Variants in CEP57 observed in about 807,000 individuals in gnomAD.
The protein encoded by CEP57 is centrosomal protein 57, also known as centrosomal protein of 57 kDa.
CEP57 carries 40 observed loss-of-function variants against 68.0 expected under a neutral mutation model. That is an observed-to-expected ratio of 0.59 (90% CI 0.46 to 0.77). The LOEUF (loss-of-function observed/expected upper bound fraction) is 0.77, where lower values mean the gene tolerates loss of function less well. Ranked by LOEUF, CEP57 falls within the 30% of genes least tolerant of loss-of-function variation. The probability of loss-of-function intolerance (pLI) is 0.00; values close to 1 mark genes in which losing one functional copy is unlikely to be tolerated. For synonymous variants in CEP57, 219 were observed against 198.7 expected, an observed-to-expected ratio of 1.10 and a Z score of -0.86; for missense variants, 606 against 580.7, an observed-to-expected ratio of 1.04 and a Z score of -0.45.
Position 95,831,029 on chromosome 11 carries a change from G to T in CEP57, c.1276G>T (p.Glu426Ter). The T allele has an allele frequency of 6.2e-7, 1 of 1,608,262 alleles. No homozygotes were observed. The highest frequency in any genetic ancestry group is 1.1e-5 in the South Asian group (1 of 90,772). ...TKVRKYQAQL[E>*]KQKLEKQKKE... ...CTGCCTTGGTTATTTGGTATAGCTG[G>T]AGAAACAGAAGTTAGAGAAGCAGAA... Residue 426 changes from glutamate to a stop codon, truncating the protein, a stop_gained, in exon 11 of 11, where the codon GAG becomes TAG. Transcript: ENST00000325542. LOFTEE classifies it high-confidence loss of function.
intron 10 of CEP57, among the ~76,000 whole-genome samples, chr11:95,829,704 C>T (rs534497): frequency 2.0e-5 from 3 of 151,936 alleles, no homozygotes; most frequent in Admixed American, 2.0e-4. Context: ...ATTTATGTTG[C>T]TAATCATTTT....
At chr11:95,810,199 C>T (rs1861993807) in intron 2 of CEP57, among the ~76,000 whole-genome samples, 1 of 152,154 alleles carries the variant, frequency 6.6e-6, no homozygotes, top group Non-Finnish European at 1.5e-5. Context: ...TGGGACGTAT[C>T]TCAAAACAAT....
intron 4 of CEP57, among the ~76,000 whole-genome samples, chr11:95,816,137 G>T (rs1862287784): frequency 6.6e-6 from 1 of 152,118 alleles, no homozygotes; most frequent in African/African-American, 2.4e-5. Context: ...CTGTTGGGGG[G>T]ACTTCTGGAA....
intron 2 of CEP57, among the ~76,000 whole-genome samples, chr11:95,812,019 G>A (rs936123992): frequency 1.5e-4 from 23 of 152,022 alleles, no homozygotes; most frequent in Non-Finnish European, 1.9e-4. Context: ...CATTATCTTT[G>A]GGTAATAGGA....
rs1401499116 is a variant in CEP57, at chr11:95,831,495, G to A, written c.*239G>A. The stretch of plus-strand genomic sequence containing the variant: ...GAAACCACACATAATCTTTTGTTGA[G>A]ATGAGTTTGCTGTACTGACGCTGCA... On this transcript the variant is annotated 3_prime_UTR_variant, in exon 11 of 11. Transcript: ENST00000325542. 1 of 404,844 alleles carries A rather than the reference G, an allele frequency of 2.5e-6. No homozygotes were observed. Among genetic ancestry groups the A allele is most frequent in the African/African-American group, 2.0e-5 (1 of 49,114 alleles). 25.1% of individuals were successfully genotyped at this position (404,844 alleles called of 1,614,324 possible). A position where few individuals can be genotyped will look rare whatever the true frequency, so the allele number is the denominator to read the frequency against.
At chr11:95,817,065 ACTT>A (rs1304902614) in intron 4 of CEP57, among the ~76,000 whole-genome samples, 1 of 151,784 alleles carries the variant, frequency 6.6e-6, no homozygotes, top group Non-Finnish European at 1.5e-5. Context: ...TTGACTCTAA[ACTT>A]CAAAAAAAAA....
intron 8 of CEP57, chr11:95,827,003 A>G (rs1177241095): frequency 2.0e-5 from 3 of 152,234 alleles, no homozygotes; most frequent in Non-Finnish European, 2.9e-5. Context: ...TTGAAAACAC[A>G]AATTTCCAAA....
At position 95,821,976 on chromosome 11, in the gene CEP57, A is replaced by G. The variant is rs979007914; in HGVS notation, c.805A>G (p.Lys269Glu). The G allele has an allele frequency of 8.1e-6, 13 of 1,608,230 alleles. No homozygotes were observed. Among genetic ancestry groups the G allele is most frequent in the African/African-American group, 2.7e-5 (2 of 74,798 alleles). Residue 269 changes from lysine (K) to glutamate (E), a missense_variant and splice_region_variant, in exon 7 of 11, where the codon AAG becomes GAG. Lys to Glu is a moderately conservative substitution (Grantham distance 56). Transcript: ENST00000325542. ...IKKKKSKPPE[K>E]KSSRNYFGAQ... is the part of the protein sequence containing the mutation. ...AAAAAAGAAGTCAAAACCACCAGAAAAGGTGTGAAGACAGAACCAAATCAG... is the reference window on the plus strand; with the variant it reads ...AAAAAAGAAGTCAAAACCACCAGAAGAGGTGTGAAGACAGAACCAAATCAG...
intron 10 of CEP57, among the ~76,000 whole-genome samples, chr11:95,830,824 T>C (rs544653199): frequency 9.2e-5 from 14 of 151,418 alleles, no homozygotes; most frequent in Non-Finnish European, 1.9e-4. Context: ...TATATAAGCA[T>C]ATATTTATTT....
At chr11:95,791,066 C>T (rs1008473669) in intron 1 of CEP57, among the ~76,000 whole-genome samples, 4 of 152,200 alleles carry the variant, frequency 2.6e-5, no homozygotes, top group Non-Finnish European at 5.9e-5. Context: ...AAAAATGTAG[C>T]TCTTTTGGTC....
chr11:95,798,000 T>C (rs1358924287), intron 1 of CEP57, among the ~76,000 whole-genome samples: 1 of 152,210 alleles, frequency 6.6e-6, no homozygotes, highest in Non-Finnish European at 1.5e-5. Flanking sequence ...TTATAAAGAA[T>C]TGAAAACTCA....
rs754694620 is a variant in CEP57 at position 95,829,177 on chromosome 11, T to C, written c.1128-10T>C. On this transcript the variant is annotated splice_polypyrimidine_tract_variant and intron_variant, in intron 9 of 10. Coordinates refer to ENST00000325542, the MANE Select transcript of CEP57 (RefSeq NM_014679.5). ...AACTTAACCATGTTCTACTTCTGCT[T>C]TGTATATAGTGATCACCAGCAGCTT... 9 of 1,613,534 alleles carry C rather than the reference T, an allele frequency of 5.6e-6. No individual in the cohort carries two copies. The highest frequency in any genetic ancestry group is 6.8e-6 in the Non-Finnish European group (8 of 1,179,902).
chr11:95,831,490 G>T lies in CEP57; in HGVS notation c.*234G>T. 3 of 410,320 alleles carry T rather than the reference G, an allele frequency of 7.3e-6. No individual in the cohort carries two copies. In the South Asian group the frequency reaches 9.6e-5, roughly 13 times the overall value. The allele number at this position is 410,320 out of a possible 1,614,324, so 25.4% of individuals were successfully genotyped here. A position where few individuals can be genotyped will look rare whatever the true frequency, so the allele number is the denominator to read the frequency against. Reference sequence around the variant, plus strand: ...CCCGAGAAACCACACATAATCTTTTGTTGAGATGAGTTTGCTGTACTGACG... The same window carrying T: ...CCCGAGAAACCACACATAATCTTTTTTTGAGATGAGTTTGCTGTACTGACG... On this transcript the variant is annotated 3_prime_UTR_variant, in exon 11 of 11. Coordinates refer to ENST00000325542, the MANE Select transcript of CEP57 (RefSeq NM_014679.5).
rs766330674 is a variant in CEP57 at position 95,821,888 on chromosome 11, A to G, written c.717A>G (p.Glu239=). 2.5e-6 allele frequency: 4 copies of G among 1,611,484 alleles called. No homozygotes were observed. The highest frequency in any genetic ancestry group is 3.4e-6 in the Non-Finnish European group (4 of 1,178,896). Residue 239 remains glutamate, a synonymous_variant, in exon 7 of 11, where the codon GAA becomes GAG. Transcript: ENST00000325542. ...AKAAELQTGL[E]TNRLIFEDKA... ...TTTCCTAGTTGCAGACTGGTCTAGAAACAAATAGACTTATCTTTGAAGATA... is the reference window on the plus strand; with the variant it reads ...TTTCCTAGTTGCAGACTGGTCTAGAGACAAATAGACTTATCTTTGAAGATA...
chr11:95,830,664 G>C (rs1862962186), intron 10 of CEP57, among the ~76,000 whole-genome samples: 1 of 151,696 alleles, frequency 6.6e-6, no homozygotes, highest in Non-Finnish European at 1.5e-5. Context: ...TCTTTTCTCT[G>C]TGTCTGATTT....
intron 2 of CEP57, among the ~76,000 whole-genome samples, chr11:95,812,036 G>T (rs2135314264): frequency 6.6e-6 from 1 of 152,184 alleles, no homozygotes; most frequent in Admixed American, 6.5e-5. Flanking sequence ...AGGATTATTG[G>T]TTATTTTTCA....
intron 1 of CEP57, among the ~76,000 whole-genome samples, chr11:95,794,785 A>G (rs927294857): frequency 2.0e-5 from 3 of 152,052 alleles, no homozygotes; most frequent in African/African-American, 2.4e-5. Flanking sequence ...GTATTCTTCT[A>G]TATTTTTTTC....
In CEP57 at chr11:95,818,833, A is replaced by T. The variant is rs374700509; in HGVS notation, c.628A>T (p.Met210Leu). Residue 210 changes from methionine (M) to leucine (L), a missense_variant, in exon 6 of 11, where the codon ATG becomes TTG. Physicochemically the swap from Met to Leu is conservative, Grantham distance 15 (BLOSUM62 2). Transcript: ENST00000325542. ...TTGACATTTTTATCACTAGAAAAAA[A>T]TGCAAGAGTTGGAAGCAAAACTCCA... ...TTMQALAEKKMQELEAKLHEE... is the reference protein window; with the variant it reads ...TTMQALAEKKLQELEAKLHEE... The T allele has an allele frequency of 1.2e-6, 2 of 1,613,816 alleles. No individual in the cohort carries two copies. Among genetic ancestry groups the T allele is most frequent in the East Asian group, 4.5e-5 (2 of 44,840 alleles).
intron 2 of CEP57, 151 bp downstream of exon 2, chr11:95,799,539 A>G (rs946451173): frequency 4.4e-6 from 4 of 909,178 alleles, no homozygotes; most frequent in Non-Finnish European, 6.9e-6. Context: ...CTTTTCTTGT[A>G]TTCCTTATAT....
Sources: gnomAD v4.1 joint callset for allele counts (sites outside exome capture counted in the v4.1 genomes callset) on GRCh38, gnomAD v4.1.1 for gene constraint, MANE v1.5 for transcripts, NCBI Gene and HGNC (gene_info 2026-07-23, HGNC 2026-07-21) for gene names.